The following DIAPH2 variants were observed in gnomAD, a reference collection of about 807,000 sequenced individuals.
DIAPH2 encodes protein diaphanous homolog 2.
DIAPH2 carries 35 observed loss-of-function variants against 92.7 expected under a neutral mutation model. The observed-to-expected ratio is 0.38, with a 90% CI of 0.29 to 0.50. The LOEUF (loss-of-function observed/expected upper bound fraction) is 0.50. DIAPH2 is among the 20% of genes least tolerant of loss of function. The pLI is 0.94. For synonymous variants in DIAPH2, 301 were observed against 280.4 expected, an observed-to-expected ratio of 1.07 and a Z score of -0.73; for missense variants, 701 against 819.5, an observed-to-expected ratio of 0.86 and a Z score of 1.77.
chrX:97,045,134 A>G (rs1440812976), intron 17 of DIAPH2, among the ~76,000 whole-genome samples: 2 of 112,191 alleles, frequency 1.8e-5, no homozygotes, highest in Non-Finnish European at 3.8e-5. Flanking sequence ...GATGGAACCA[A>G]TAATACTTGC....
At chrX:97,578,001 A>C (rs2071409262) in intron 26 of DIAPH2, among the ~76,000 whole-genome samples, 1 of 77,664 alleles carries the variant, frequency 1.3e-5, no homozygotes, top group Admixed American at 1.7e-4. Flanking sequence ...TCACCACTTC[A>C]AATTAGGATT....
chrX:96,752,086 T>A (rs2064198107), intron 3 of DIAPH2, among the ~76,000 whole-genome samples: 1 of 112,357 alleles, frequency 8.9e-6, no homozygotes, highest in South Asian at 3.7e-4. Flanking sequence ...AGAAATAGTT[T>A]CATATTCAAT....
intron 22 of DIAPH2, among the ~76,000 whole-genome samples, chrX:97,201,131 ACC>A (rs58996513): frequency 1.5e-5 from 1 of 68,903 alleles, no homozygotes; most frequent in Non-Finnish European, 2.6e-5. Flanking sequence ...AACAAGAAAG[ACC>A]CCCCCCCCAA....
At chrX:96,822,542 A>G (rs1349755463) in intron 4 of DIAPH2, among the ~76,000 whole-genome samples, 1 of 111,894 alleles carries the variant, frequency 8.9e-6, no homozygotes, top group Non-Finnish European at 1.9e-5. Context: ...ATGTTACTAG[A>G]GCAGTAGACA....
chrX:96,813,854 C>G (rs921371124), intron 4 of DIAPH2, among the ~76,000 whole-genome samples: 2 of 111,935 alleles, frequency 1.8e-5, no homozygotes, highest in African/African-American at 6.5e-5. Flanking sequence ...TATTGGCCCC[C>G]TCTCTCTTCT....
chrX:96,753,236 AT>A (rs1232264363), intron 3 of DIAPH2, among the ~76,000 whole-genome samples: 1 of 111,822 alleles, frequency 8.9e-6, no homozygotes, highest in African/African-American at 3.3e-5. Flanking sequence ...TTTAACCAGA[AT>A]TTTTTTAGGC....
At chrX:97,553,728 C>T (rs1220073370) in intron 26 of DIAPH2, among the ~76,000 whole-genome samples, 1 of 103,146 alleles carries the variant, frequency 9.7e-6, no homozygotes, top group Non-Finnish European at 2.0e-5. Context: ...AAAGGCAAAA[C>T]AGTTTTAAAA....
chrX:96,882,990 AAC>A (rs1352276162), intron 5 of DIAPH2, among the ~76,000 whole-genome samples: 6 of 54,926 alleles, frequency 1.1e-4, no homozygotes, highest in African/African-American at 2.0e-4. Flanking sequence ...AAAACAAAAA[AAC>A]AAAAATCCGG....
At position 96,884,153 on chromosome X, in the gene DIAPH2, T is replaced by G. The variant is rs976595363; in HGVS notation, c.587+2435T>G. On this transcript the variant is annotated intron_variant, in intron 5 of 26. Coordinates refer to ENST00000324765, the MANE Select transcript of DIAPH2 (RefSeq NM_006729.5). ...ATTGGTCCACAGGTAGCGTGACGCT[T>G]GTCACGTCCTCAGCCTCCCAGCATT... The G allele has an allele frequency of 1.1e-5, 5 of 452,003 alleles. No individual in the cohort carries two copies. In the African/African-American group the frequency reaches 1.2e-4, roughly 11 times the overall value. 37.3% of individuals were successfully genotyped at this position (452,003 alleles called of 1,213,427 possible).
intron 22 of DIAPH2, among the ~76,000 whole-genome samples, chrX:97,183,095 A>C (rs1427556331): frequency 1.8e-5 from 2 of 111,593 alleles, no homozygotes; most frequent in Admixed American, 1.9e-4. Context: ...TGGAAGAGAA[A>C]ATTTCAGGAA....
intron 4 of DIAPH2, among the ~76,000 whole-genome samples, chrX:96,793,229 C>T (rs974830624): frequency 8.9e-6 from 1 of 112,362 alleles, no homozygotes; most frequent in African/African-American, 3.2e-5. Flanking sequence ...GGCGTGACCT[C>T]GGCTCACTGT....
intron 17 of DIAPH2, among the ~76,000 whole-genome samples, chrX:97,038,945 T>C (rs1246690830): frequency 9.0e-6 from 1 of 111,670 alleles, no homozygotes; most frequent in East Asian, 2.8e-4. Flanking sequence ...AATTTCTTAT[T>C]GAAATTACTG....
chrX:97,072,307 A>T (rs1242816649), intron 17 of DIAPH2, among the ~76,000 whole-genome samples: 1 of 112,211 alleles, frequency 8.9e-6, no homozygotes, highest in Non-Finnish European at 1.9e-5. Flanking sequence ...AAGCAAAGTA[A>T]ATCTTCTGTT....
intron 17 of DIAPH2, among the ~76,000 whole-genome samples, chrX:96,980,998 C>CA (rs1204120424): frequency 0.062 from 2,823 of 45,219 alleles, 253 homozygotes; most frequent in African/African-American, 0.22. Flanking sequence ...CCATCTCTAC[C>CA]AAAAAAAAAA....
chrX:97,547,140 G>A (rs1346060037), intron 26 of DIAPH2, among the ~76,000 whole-genome samples: 1 of 111,418 alleles, frequency 9.0e-6, no homozygotes, highest in African/African-American at 3.3e-5. Flanking sequence ...AGATCCAACT[G>A]CGAGGACCCC....
chrX:96,984,585 T>C (rs1441586590), intron 17 of DIAPH2, among the ~76,000 whole-genome samples: 1 of 111,669 alleles, frequency 9.0e-6, no homozygotes, highest in Non-Finnish European at 1.9e-5. Context: ...GCAACAGTGA[T>C]ATTGCTGGTC....
At chrX:97,204,978 T>C (rs1217130046) in intron 22 of DIAPH2, among the ~76,000 whole-genome samples, 1 of 110,842 alleles carries the variant, frequency 9.0e-6, no homozygotes, top group East Asian at 2.8e-4. Context: ...AACAGACATA[T>C]AGACCAATGG....
intron 26 of DIAPH2, among the ~76,000 whole-genome samples, chrX:97,595,677 C>T (rs1472720062): frequency 9.2e-6 from 1 of 108,406 alleles, no homozygotes; most frequent in Admixed American, 1.0e-4. Context: ...ACTCTTGTTG[C>T]CCAGGCTGGC....
At chrX:97,568,947 G>A (rs1463634454) in intron 26 of DIAPH2, among the ~76,000 whole-genome samples, 1 of 111,732 alleles carries the variant, frequency 8.9e-6, no homozygotes. Context: ...CTTTCTCTTC[G>A]AGTTCTAAAG....
Sources: allele counts gnomAD v4.1 joint callset (sites outside exome capture counted in the v4.1 genomes callset), GRCh38; gene constraint gnomAD v4.1.1; transcripts MANE v1.5; gene names NCBI Gene and HGNC (gene_info 2026-07-23, HGNC 2026-07-21).